The following UBXN2A variants were observed in gnomAD, a reference collection of about 807,000 sequenced individuals.
UBXN2A encodes UBX domain-containing protein 2A.
A neutral mutation model predicts 28.4 loss-of-function variants in UBXN2A; 28 were observed. That is an observed-to-expected ratio of 0.99 (90% CI 0.73 to 1.35). The LOEUF is 1.35. Ranked by LOEUF, UBXN2A falls within the 40% of genes most tolerant of loss-of-function variation. UBXN2A has a pLI of 0.00. For synonymous variants in UBXN2A, 97 were observed against 103.6 expected, an observed-to-expected ratio of 0.94 and a Z score of 0.39; for missense variants, 253 against 297.9, an observed-to-expected ratio of 0.85 and a Z score of 1.11.
intron 1 of UBXN2A, among the ~76,000 whole-genome samples, chr2:23,954,991 G>A (rs996269753): frequency 6.8e-6 from 1 of 147,048 alleles, no homozygotes; most frequent in South Asian, 2.2e-4. Context: ...GGAGTGCAGT[G>A]GTGCAATTTC....
At chr2:23,970,823 A>G (rs1480583873) in intron 2 of UBXN2A, among the ~76,000 whole-genome samples, 1 of 151,926 alleles carries the variant, frequency 6.6e-6, no homozygotes, top group African/African-American at 2.4e-5. Context: ...TATCCCTTGG[A>G]TGCTCAGTTC....
intron 1 of UBXN2A, 56 bp from the exon 2 acceptor site, chr2:23,958,245 A>G: frequency 3.5e-6 from 5 of 1,436,564 alleles, no homozygotes; most frequent in Non-Finnish European, 4.7e-6. Flanking sequence ...ATGGTAACTT[A>G]CATATTAAGC....
At chr2:23,942,923 G>GA (rs1321945763) in intron 1 of UBXN2A, among the ~76,000 whole-genome samples, 211 of 139,516 alleles carry the variant, frequency 1.5e-3, no homozygotes, top group African/African-American at 3.8e-3. Context: ...ACCTCCGTCA[G>GA]AAAAAAAAAA....
chr2:23,955,947 C>G (rs1370520104), intron 1 of UBXN2A, among the ~76,000 whole-genome samples: 1 of 152,234 alleles, frequency 6.6e-6, no homozygotes, highest in Non-Finnish European at 1.5e-5. Flanking sequence ...TTACTTCAAC[C>G]TCTGCCTCCC....
chr2:23,981,476 TAAAAAAAAAAAAAAA>T (rs55665209), intron 4 of UBXN2A, among the ~76,000 whole-genome samples: 19 of 28,910 alleles, frequency 6.6e-4, no homozygotes, highest in East Asian at 1.7e-3. Context: ...AGCTCCTATC[TAAAAAAAAAAAAAAA>T]AAAAAAAAAA....
chr2:23,976,939 T>G (rs1272360474), intron 3 of UBXN2A, 30 bp from the exon 4 acceptor site: 1 of 1,545,638 alleles, frequency 6.5e-7, no homozygotes, highest in Non-Finnish European at 8.9e-7. Flanking sequence ...TTTATTAACA[T>G]GACGCATTTT....
intron 3 of UBXN2A, 27 bp from the exon 4 acceptor site, chr2:23,976,942 C>T (rs759200336): frequency 1.6e-5 from 25 of 1,545,974 alleles, no homozygotes; most frequent in South Asian, 5.6e-5. Flanking sequence ...ATTAACATGA[C>T]GCATTTTGTT....
intron 6 of UBXN2A, among the ~76,000 whole-genome samples, chr2:23,992,380 T>C (rs1057404490): frequency 6.6e-6 from 1 of 152,212 alleles, no homozygotes; most frequent in African/African-American, 2.4e-5. Context: ...GAAGTATGAT[T>C]GGAGGGCAAA....
intron 3 of UBXN2A, among the ~76,000 whole-genome samples, chr2:23,973,340 C>CTT (rs1165746385): frequency 8.5e-4 from 116 of 136,796 alleles, no homozygotes; most frequent in African/African-American, 2.9e-3. Context: ...TTCTTTTTTT[C>CTT]TTTTTTTTTT....
At chr2:23,956,520 T>G (rs1240928155) in intron 1 of UBXN2A, among the ~76,000 whole-genome samples, 1 of 151,896 alleles carries the variant, frequency 6.6e-6, no homozygotes, top group African/African-American at 2.4e-5. Flanking sequence ...GCCTGGCTAA[T>G]TTTTGTATTT....
rs1707274857 is a variant in UBXN2A, at chr2:23,968,685, A to C, written c.42-2591A>C. On this transcript the variant is annotated intron_variant, in intron 2 of 6. Coordinates refer to ENST00000309033, the MANE Select transcript of UBXN2A (RefSeq NM_181713.4). ...GAGACTCCGTCTCAGGAAAAAAAAAAAAAACAGTATCTAACTTATATTTCC... is the reference window on the plus strand; with the variant it reads ...GAGACTCCGTCTCAGGAAAAAAAAACAAAACAGTATCTAACTTATATTTCC... Among the ~76,000 whole-genome samples, 4 of 151,800 alleles carry C rather than the reference A, an allele frequency of 2.6e-5. 2 individuals are homozygous for C. The East Asian group carries it at 7.8e-4, about 29-fold the overall frequency.
chr2:23,975,352 G>A (rs143690344), intron 3 of UBXN2A, among the ~76,000 whole-genome samples: 183 of 152,168 alleles, frequency 1.2e-3, no homozygotes, highest in East Asian at 8.5e-3. Flanking sequence ...TCCTGGGAAG[G>A]CTATTAAAAT....
chr2:23,963,706 A>G (rs1483412801), intron 2 of UBXN2A, among the ~76,000 whole-genome samples: 1 of 152,114 alleles, frequency 6.6e-6, no homozygotes, highest in African/African-American at 2.4e-5. Context: ...GGGATGCAAA[A>G]TGGTGTAGCT....
chr2:23,976,936 A>T, intron 3 of UBXN2A, 33 bp from the exon 4 acceptor site: 1 of 1,545,236 alleles, frequency 6.5e-7, no homozygotes, highest in African/African-American at 1.4e-5. Flanking sequence ...CATTTTATTA[A>T]CATGACGCAT....
upstream of UBXN2A, among the ~76,000 whole-genome samples, chr2:23,937,803 TGTGTC>T (rs779613894): frequency 1.3e-4 from 20 of 152,186 alleles, no homozygotes; most frequent in Non-Finnish European, 1.9e-4. Flanking sequence ...TTCTGAGAAA[TGTGTC>T]GTGTAAGTGA....
At chr2:23,961,276 A>G (rs540807406) in intron 2 of UBXN2A, among the ~76,000 whole-genome samples, 3 of 151,402 alleles carry the variant, frequency 2.0e-5, no homozygotes, top group East Asian at 2.0e-4. Context: ...TTGTATTTTT[A>G]GTAGAGATGG....
chr2:23,989,780 G>T (rs1708280850), intron 6 of UBXN2A, among the ~76,000 whole-genome samples: 1 of 152,032 alleles, frequency 6.6e-6, no homozygotes. Flanking sequence ...GCACTCACCT[G>T]TGGTCTCAGA....
chr2:23,931,470 G>C (rs2150782174), intron 1 of UBXN2A, among the ~76,000 whole-genome samples: 1 of 152,098 alleles, frequency 6.6e-6, no homozygotes, highest in South Asian at 2.1e-4. Context: ...GAAAAGAAAA[G>C]AGATATGGAA....
Position 24,000,175 on chromosome 2 carries a change from G to T in UBXN2A, c.*308G>T. On this transcript the variant is annotated 3_prime_UTR_variant, in exon 7 of 7. Coordinates refer to ENST00000309033, the MANE Select transcript of UBXN2A (RefSeq NM_181713.4). ...CTTAATATGGTATAAATTAGCATAT[G>T]TATTCACAATATTCATTCAGACATC... 1 of 248,100 alleles carries T rather than the reference G, an allele frequency of 4.0e-6. No individual in the cohort carries two copies. Among genetic ancestry groups the T allele is most frequent in the Non-Finnish European group, 7.7e-6 (1 of 130,278 alleles). The allele number at this position is 248,100 out of a possible 1,614,324, so 15.4% of individuals were successfully genotyped here. A position where few individuals can be genotyped will look rare whatever the true frequency, so the allele number is the denominator to read the frequency against.
Sources: allele counts gnomAD v4.1 joint callset (sites outside exome capture counted in the v4.1 genomes callset), GRCh38; gene constraint gnomAD v4.1.1; transcripts MANE v1.5; gene names NCBI Gene and HGNC (gene_info 2026-07-23, HGNC 2026-07-21).